The following GALNT13 variants were observed in gnomAD, a reference collection of about 807,000 sequenced individuals.
The protein encoded by GALNT13 is polypeptide N-acetylgalactosaminyltransferase 13, also known as UDP-GalNAc:polypeptide N-acetylgalactosaminyltransferase 13.
GALNT13 carries 28 observed loss-of-function variants against 64.2 expected under a neutral mutation model. That is an observed-to-expected ratio of 0.44 (90% CI 0.32 to 0.60). The LOEUF is 0.60. GALNT13 is among the 20% of genes least tolerant of loss of function. GALNT13 has a pLI of 0.05. For missense variants in GALNT13, 577 were observed against 669.8 expected (o/e 0.86, Z 1.53); for synonymous variants, 214 against 224.6 (o/e 0.95, Z 0.42).
intron 9 of GALNT13, among the ~76,000 whole-genome samples, chr2:154,344,182 A>T (rs1169926195): frequency 1.3e-5 from 2 of 152,024 alleles, no homozygotes; most frequent in East Asian, 1.9e-4. Flanking sequence ...AACACAAAAG[A>T]CTGTTTGCAA....
the GALNT13 span, among the ~76,000 whole-genome samples, chr2:153,427,791 T>A: frequency 6.6e-6 from 1 of 152,184 alleles, no homozygotes; most frequent in Non-Finnish European, 1.5e-5. Flanking sequence ...GCTTTCCTTT[T>A]CTCTAATATG....
chr2:153,266,975 C>T, the GALNT13 span, among the ~76,000 whole-genome samples: 1 of 152,178 alleles, frequency 6.6e-6, no homozygotes, highest in African/African-American at 2.4e-5. Context: ...CAGTTACTTC[C>T]AAGATACAAT....
chr2:153,573,853 A>C, the GALNT13 span, among the ~76,000 whole-genome samples: 475 of 152,164 alleles, frequency 3.1e-3, 1 homozygote, highest in African/African-American at 0.011. Context: ...TTGTCTTTCT[A>C]CTTATGATAA....
the GALNT13 span, among the ~76,000 whole-genome samples, chr2:153,383,697 T>C: frequency 6.6e-6 from 1 of 152,032 alleles, no homozygotes; most frequent in South Asian, 2.1e-4. Flanking sequence ...AAAAATAAAT[T>C]TGTTCATTGA....
intron 3 of GALNT13, among the ~76,000 whole-genome samples, chr2:154,090,628 A>T (rs1701758635): frequency 6.6e-6 from 1 of 151,954 alleles, no homozygotes; most frequent in African/African-American, 2.4e-5. Context: ...CCTGTTCCAT[A>T]ATTCATTTAT....
downstream of GALNT13, among the ~76,000 whole-genome samples, chr2:154,456,353 A>G (rs542864837): frequency 2.2e-4 from 33 of 152,218 alleles, no homozygotes; most frequent in African/African-American, 7.7e-4. Context: ...TTATTAGATG[A>G]TATAATTGTT....
the GALNT13 span, among the ~76,000 whole-genome samples, chr2:153,182,714 T>C: frequency 6.6e-6 from 1 of 152,304 alleles, no homozygotes; most frequent in African/African-American, 2.4e-5. Context: ...CATGAGGTGT[T>C]TGGTTTTTTG....
At chr2:154,367,159 A>T (rs918215033) in intron 9 of GALNT13, among the ~76,000 whole-genome samples, 1 of 58,114 alleles carries the variant, frequency 1.7e-5, no homozygotes, top group Non-Finnish European at 3.3e-5. Flanking sequence ...AACAGCTGAG[A>T]TGTAAACCAT....
the GALNT13 span, among the ~76,000 whole-genome samples, chr2:153,319,297 C>T: frequency 6.6e-6 from 1 of 152,102 alleles, no homozygotes; most frequent in Admixed American, 6.5e-5. Flanking sequence ...TACAAGGTCT[C>T]AAGGTCTCAC....
intron 9 of GALNT13, among the ~76,000 whole-genome samples, chr2:154,367,150 A>G (rs1167306740): frequency 4.1e-5 from 5 of 122,940 alleles, no homozygotes; most frequent in Admixed American, 1.8e-4. Flanking sequence ...TGGTTATAAA[A>G]CAGCTGAGAT....
At chr2:153,956,791 C>A (rs1026915294) in intron 3 of GALNT13, among the ~76,000 whole-genome samples, 1 of 150,758 alleles carries the variant, frequency 6.6e-6, no homozygotes, top group Non-Finnish European at 1.5e-5. Flanking sequence ...AATCCTAGCC[C>A]ACCAGACACT....
At chr2:153,633,093 G>T in the GALNT13 span, among the ~76,000 whole-genome samples, 5 of 151,966 alleles carry the variant, frequency 3.3e-5, no homozygotes, top group African/African-American at 1.2e-4. Context: ...ATAATATTTC[G>T]CTGCATGGTA....
the GALNT13 span, among the ~76,000 whole-genome samples, chr2:153,239,544 T>A: frequency 0.019 from 2,944 of 152,336 alleles, 41 homozygotes; most frequent in Non-Finnish European, 0.033. Context: ...CATGAAGGGA[T>A]GCTGAATTTT....
At chr2:153,595,573 T>C in the GALNT13 span, among the ~76,000 whole-genome samples, 1 of 151,996 alleles carries the variant, frequency 6.6e-6, no homozygotes, top group Non-Finnish European at 1.5e-5. Context: ...TGAATGGAAA[T>C]TTTCCTACAG....
chr2:153,387,013 C>G, the GALNT13 span, among the ~76,000 whole-genome samples: 102,281 of 152,030 alleles, frequency 0.67, 35,217 homozygotes, highest in Non-Finnish European at 0.72. Context: ...TGACAATCTA[C>G]TCACAGAAGT....
chr2:154,263,814 T>G lies in GALNT13; in HGVS notation c.975+4676T>G, dbSNP rs373270665. Among the ~76,000 whole-genome samples the G allele has an allele frequency of 7.3e-4, 111 of 152,312 alleles. 1 individual carries two copies. Among genetic ancestry groups the G allele is most frequent in the African/African-American group, 2.1e-3 (89 of 41,578 alleles). ...CATCTAGACTTGGAGTAACAAGTAC[T>G]AGATTTACCATTCTCCTCGTCATTC... On this transcript the variant is annotated intron_variant, in intron 8 of 12. Transcript: ENST00000392825.
intron 2 of GALNT13, among the ~76,000 whole-genome samples, chr2:153,918,009 T>C (rs1315138119): frequency 6.6e-6 from 1 of 152,024 alleles, no homozygotes; most frequent in African/African-American, 2.4e-5. Flanking sequence ...CATGTACACA[T>C]GTGTGAGTGC....
chr2:153,240,485 A>C, the GALNT13 span, among the ~76,000 whole-genome samples: 2 of 152,030 alleles, frequency 1.3e-5, no homozygotes, highest in African/African-American at 4.8e-5. Context: ...CTCTGGTGAT[A>C]GATCAGAGGC....
the GALNT13 span, among the ~76,000 whole-genome samples, chr2:153,663,963 G>T: frequency 1.3e-5 from 2 of 152,128 alleles, no homozygotes; most frequent in African/African-American, 4.8e-5. Flanking sequence ...AGGGGAGGGG[G>T]TACGAATAGA....
Sources: allele counts gnomAD v4.1 joint callset (sites outside exome capture counted in the v4.1 genomes callset), GRCh38; gene constraint gnomAD v4.1.1; transcripts MANE v1.5; gene names NCBI Gene and HGNC (gene_info 2026-07-23, HGNC 2026-07-21).